The following GRID2 variants were observed in gnomAD, a reference collection of about 807,000 sequenced individuals.
GRID2 encodes the protein glutamate receptor ionotropic, delta-2.
In GRID2, 33 loss-of-function variants were observed where a neutral mutation model predicts 114.8. The observed-to-expected ratio is 0.29, with a 90% CI of 0.22 to 0.38. The LOEUF is 0.38. Ranked by LOEUF, GRID2 falls within the 10% of genes least tolerant of loss-of-function variation. The pLI, the probability that GRID2 is intolerant of heterozygous loss-of-function variation, is 1.00. For synonymous variants in GRID2, 505 were observed against 449.9 expected (o/e 1.12, Z -1.55); for missense variants, 1,184 against 1,257.7 (o/e 0.94, Z 0.89).
chr4:92,499,233 A>G (rs1232242844), intron 1 of GRID2, among the ~76,000 whole-genome samples: 1 of 152,058 alleles, frequency 6.6e-6, no homozygotes, highest in Non-Finnish European at 1.5e-5. Flanking sequence ...TTAATAATCA[A>G]ACATGTATCT....
chr4:93,017,560 C>T (rs1456360), intron 2 of GRID2, among the ~76,000 whole-genome samples: 85,633 of 151,638 alleles, frequency 0.56, 25,390 homozygotes, highest in Middle Eastern at 0.73. Context: ...ACACCTATAA[C>T]CCCAGCACTT....
At chr4:92,476,599 T>G (rs1164597894) in intron 1 of GRID2, among the ~76,000 whole-genome samples, 1 of 152,128 alleles carries the variant, frequency 6.6e-6, no homozygotes, top group Non-Finnish European at 1.5e-5. Context: ...TTAAAATGAT[T>G]AAAATAATAA....
chr4:92,639,572 C>T (rs1334282449), intron 2 of GRID2, among the ~76,000 whole-genome samples: 1 of 151,664 alleles, frequency 6.6e-6, no homozygotes, highest in African/African-American at 2.4e-5. Context: ...GCTTTGTTTT[C>T]TCCTATACAA....
At chr4:92,370,790 TATAAAA>T (rs1729081721) in intron 1 of GRID2, among the ~76,000 whole-genome samples, 1 of 152,134 alleles carries the variant, frequency 6.6e-6, no homozygotes, top group Non-Finnish European at 1.5e-5. Context: ...GATAAGGAGT[TATAAAA>T]GTAGACTTCA....
chr4:93,306,057 G>T (rs968407074), intron 8 of GRID2: 3 of 152,162 alleles, frequency 2.0e-5, no homozygotes, highest in African/African-American at 7.2e-5. Context: ...CATGAAGTTG[G>T]AAACTTTGTT....
chr4:92,630,020 C>G (rs1730722883), intron 2 of GRID2, among the ~76,000 whole-genome samples: 1 of 151,020 alleles, frequency 6.6e-6, no homozygotes, highest in Admixed American at 6.6e-5. Context: ...TAGAATAATT[C>G]CTGAGCTCAG....
At chr4:93,085,921 A>G (rs1336034480) in intron 3 of GRID2, among the ~76,000 whole-genome samples, 1 of 152,214 alleles carries the variant, frequency 6.6e-6, no homozygotes, top group Non-Finnish European at 1.5e-5. Context: ...TAATTTGAGA[A>G]TAAAATGCTT....
chr4:92,901,719 T>A (rs1401924072), intron 2 of GRID2, among the ~76,000 whole-genome samples: 1 of 152,168 alleles, frequency 6.6e-6, no homozygotes, highest in Admixed American at 6.6e-5. Flanking sequence ...ACCCACTTGA[T>A]CATGGTGTAT....
chr4:93,084,995 C>G lies in GRID2; in HGVS notation c.245C>G (p.Ala82Gly). The change falls in exon 3 of 16, where the codon GCC (alanine) becomes GGC (glycine). Residue 82 changes from alanine (A) to glycine (G), a missense_variant and splice_region_variant. Ala to Gly is a moderately conservative substitution (Grantham distance 60). Coordinates refer to ENST00000282020, the MANE Select transcript of GRID2 (RefSeq NM_001510.4). ...GNNPFQAVQE[A>G]CELMNQGILA... ...TGAATATTACTGTGCTTTCTTGCAG[C>G]CTGTGAACTTATGAATCAAGGCATC... is the stretch of plus-strand genomic sequence containing the variant. 6.2e-7 allele frequency: 1 copy of G among 1,613,020 alleles called. No individual in the cohort carries two copies. The highest frequency in any genetic ancestry group is 8.5e-7 in the Non-Finnish European group (1 of 1,179,060).
chr4:92,822,186 C>T, intron 2 of GRID2: 1 of 435,674 alleles, frequency 2.3e-6, no homozygotes, highest in South Asian at 1.8e-5. Flanking sequence ...AGCGCAGAAC[C>T]AGTAGCAGTT....
intron 2 of GRID2, among the ~76,000 whole-genome samples, chr4:92,636,182 T>G (rs183911929): frequency 1.3e-5 from 2 of 152,140 alleles, no homozygotes; most frequent in Non-Finnish European, 2.9e-5. Flanking sequence ...CTTGAATTAC[T>G]ATTTCGTTGA....
At chr4:93,736,088 G>A (rs556874729) in intron 14 of GRID2, among the ~76,000 whole-genome samples, 31 of 152,012 alleles carry the variant, frequency 2.0e-4, no homozygotes, top group African/African-American at 7.5e-4. Context: ...AAAGGTGAAA[G>A]GCATTGTCTG....
chr4:93,444,605 A>G (rs544833493), intron 10 of GRID2, among the ~76,000 whole-genome samples: 2 of 152,168 alleles, frequency 1.3e-5, no homozygotes, highest in South Asian at 4.1e-4. Flanking sequence ...AAACATTCAA[A>G]AAAGTCCTTC....
chr4:93,132,517 T>TC (rs1364708894), intron 4 of GRID2, among the ~76,000 whole-genome samples: 23 of 152,310 alleles, frequency 1.5e-4, no homozygotes, highest in African/African-American at 4.3e-4. Context: ...CTCACAACTC[T>TC]CAGCATGGAT....
chr4:92,320,730 G>A (rs1343397987), intron 1 of GRID2, among the ~76,000 whole-genome samples: 3 of 152,076 alleles, frequency 2.0e-5, no homozygotes, highest in South Asian at 2.1e-4. Flanking sequence ...CACCTGCCTC[G>A]GCCTCCCAAA....
intron 1 of GRID2, among the ~76,000 whole-genome samples, chr4:93,803,595 A>C (rs1578803382): frequency 6.6e-6 from 1 of 151,968 alleles, no homozygotes. Flanking sequence ...GGTGGCACGC[A>C]CCTGTAGTCC....
chr4:93,105,340 T>G (rs1247153850), intron 3 of GRID2, among the ~76,000 whole-genome samples: 1 of 152,206 alleles, frequency 6.6e-6, no homozygotes, highest in African/African-American at 2.4e-5. Context: ...TTTTGGCTTT[T>G]GTTGCCATTG....
chr4:92,422,091 A>G (rs1002085706), intron 1 of GRID2, among the ~76,000 whole-genome samples: 3 of 152,120 alleles, frequency 2.0e-5, no homozygotes, highest in African/African-American at 7.2e-5. Flanking sequence ...AAGGTGGATG[A>G]GGAAGACTCA....
At chr4:93,466,013 T>A (rs909054045) in intron 11 of GRID2, among the ~76,000 whole-genome samples, 1 of 152,232 alleles carries the variant, frequency 6.6e-6, no homozygotes, top group Non-Finnish European at 1.5e-5. Flanking sequence ...ATTTATATAG[T>A]AAATTCTTTG....
Sources: allele counts gnomAD v4.1 joint callset (sites outside exome capture counted in the v4.1 genomes callset), GRCh38; gene constraint gnomAD v4.1.1; transcripts MANE v1.5; gene names NCBI Gene and HGNC (gene_info 2026-07-23, HGNC 2026-07-21).